The following NALCN variants were observed in gnomAD, a reference collection of about 807,000 sequenced individuals.
The protein encoded by NALCN is sodium leak channel NALCN.
Under a neutral mutation model 225.3 loss-of-function variants are expected in NALCN, and 111 were observed. The ratio of observed to expected loss-of-function variants is 0.49; its 90% confidence interval spans 0.42 to 0.58. The LOEUF (loss-of-function observed/expected upper bound fraction) is 0.58, where lower values mean the gene tolerates loss of function less well. Among genes scored for constraint, NALCN ranks in the 20% least tolerant of loss-of-function variants. NALCN has a pLI of 0.00. For missense variants in NALCN, 1,378 were observed against 2,202.4 expected (o/e 0.63, Z 7.49); for synonymous variants, 764 against 769.0 (o/e 0.99, Z 0.11).
chr13:101,304,829 C>T (rs1446523082), intron 7 of NALCN, among the ~76,000 whole-genome samples: 2 of 144,664 alleles, frequency 1.4e-5, no homozygotes, highest in African/African-American at 2.6e-5. Flanking sequence ...GATCTCAGCT[C>T]GCTGCAATCT....
chr13:101,207,950 A>G (rs1354079614), intron 13 of NALCN, among the ~76,000 whole-genome samples: 1 of 152,172 alleles, frequency 6.6e-6, no homozygotes, highest in Non-Finnish European at 1.5e-5. Flanking sequence ...AGCCAGCGAG[A>G]CCACGAACCC....
chr13:101,068,062 A>C, intron 38 of NALCN, 29 bp from the exon 39 acceptor site: 1 of 1,305,092 alleles, frequency 7.7e-7, no homozygotes, highest in South Asian at 1.3e-5. Context: ...TTCAGAAGTT[A>C]GACCATTATG....
intron 7 of NALCN, among the ~76,000 whole-genome samples, chr13:101,318,137 G>A (rs2044619915): frequency 6.6e-6 from 1 of 152,176 alleles, no homozygotes; most frequent in African/African-American, 2.4e-5. Context: ...TGTAGCCAGT[G>A]GCACGTTTGC....
intron 6 of NALCN, among the ~76,000 whole-genome samples, chr13:101,352,647 A>G (rs2045938852): frequency 6.6e-6 from 1 of 152,212 alleles, no homozygotes; most frequent in South Asian, 2.1e-4. Flanking sequence ...CTAAATGGAT[A>G]CTGTGACTGA....
chr13:101,107,223 G>A (rs1461602317), intron 22 of NALCN, among the ~76,000 whole-genome samples: 1 of 152,190 alleles, frequency 6.6e-6, no homozygotes, highest in African/African-American at 2.4e-5. Flanking sequence ...GCCGATATAA[G>A]TGTATCAGGA....
intron 11 of NALCN, among the ~76,000 whole-genome samples, chr13:101,249,702 C>T (rs574167315): frequency 6.6e-6 from 1 of 152,140 alleles, no homozygotes; most frequent in African/African-American, 2.4e-5. Context: ...ATACTCAACT[C>T]ATAATGAGAA....
intron 17 of NALCN, among the ~76,000 whole-genome samples, chr13:101,129,038 A>G (rs1283568577): frequency 6.6e-6 from 1 of 152,080 alleles, no homozygotes; most frequent in African/African-American, 2.4e-5. Context: ...AAAGGAACAG[A>G]GTGTGTGTGT....
intron 7 of NALCN, among the ~76,000 whole-genome samples, chr13:101,300,408 T>C (rs1031820679): frequency 2.3e-5 from 3 of 130,888 alleles, no homozygotes; most frequent in Non-Finnish European, 3.4e-5. Context: ...CCCTCCTTCC[T>C]TCCTTTCTTT....
chr13:101,097,531 GGGTGCCT>G (rs776969141), intron 27 of NALCN, among the ~76,000 whole-genome samples: 11 of 152,294 alleles, frequency 7.2e-5, no homozygotes, highest in Admixed American at 1.3e-4. Context: ...TGAAAAGCCA[GGGTGCCT>G]GGACACTAGT....
At chr13:101,392,631 A>C (rs2047178473) in intron 3 of NALCN, among the ~76,000 whole-genome samples, 1 of 152,200 alleles carries the variant, frequency 6.6e-6, no homozygotes. Context: ...CTAGTATTTA[A>C]AATTTTACCG....
chr13:101,150,104 C>T (rs1160345274), intron 15 of NALCN, among the ~76,000 whole-genome samples: 2 of 151,938 alleles, frequency 1.3e-5, no homozygotes, highest in Admixed American at 1.3e-4. Flanking sequence ...GTGGATTTCA[C>T]AACATAACAT....
chr13:101,181,692 T>C (rs535080727), intron 14 of NALCN, among the ~76,000 whole-genome samples: 3 of 151,936 alleles, frequency 2.0e-5, no homozygotes, highest in South Asian at 2.1e-4. Flanking sequence ...CAGTGAGCTG[T>C]GAATGTGCCA....
intron 10 of NALCN, among the ~76,000 whole-genome samples, chr13:101,261,878 T>C (rs539846861): frequency 5.1e-4 from 78 of 152,344 alleles, no homozygotes; most frequent in African/African-American, 1.8e-3. Context: ...CTTCCAGTAC[T>C]ATGTTGAATA....
chr13:101,333,639 A>G (rs2045263165), intron 7 of NALCN, among the ~76,000 whole-genome samples: 1 of 152,224 alleles, frequency 6.6e-6, no homozygotes, highest in Non-Finnish European at 1.5e-5. Flanking sequence ...GGAACATGGA[A>G]GCCCCTAGAG....
At chr13:101,065,935 G>A (rs1222279214) in intron 39 of NALCN, among the ~76,000 whole-genome samples, 1 of 152,128 alleles carries the variant, frequency 6.6e-6, no homozygotes, top group Middle Eastern at 3.2e-3. Context: ...GGGCCATAAT[G>A]TACTCACACA....
rs1397441923 is a variant in NALCN, at chr13:101,376,575, A to G, written c.644+125T>C. ...GACAAAAACAATACCGAGGAAGCAG[A>G]GACACAGAACAAAGAGGACATAAGC... On this transcript the variant is annotated intron_variant, in intron 6 of 43. Coordinates refer to ENST00000251127, the MANE Select transcript of NALCN (RefSeq NM_052867.4). 3.6e-6 allele frequency: 3 copies of G among 843,016 alleles called. No individual in the cohort carries two copies. In the East Asian group the frequency reaches 8.4e-5, roughly 24 times the overall value. 52.2% of individuals were successfully genotyped at this position (843,016 alleles called of 1,614,324 possible). A position where few individuals can be genotyped will look rare whatever the true frequency, so the allele number is the denominator to read the frequency against.
chr13:101,386,836 G>A lies in NALCN; in HGVS notation c.292-8183C>T, dbSNP rs182871782. ...GCTAGGTATAATTTTAAAGAACTGTGCATGACAGCTGGGCAAAAATACATT... is the reference window on the plus strand; with the variant it reads ...GCTAGGTATAATTTTAAAGAACTGTACATGACAGCTGGGCAAAAATACATT... On this transcript the variant is annotated intron_variant, in intron 3 of 43. Coordinates refer to ENST00000251127, the MANE Select transcript of NALCN (RefSeq NM_052867.4). 2.8e-3 allele frequency among the ~76,000 whole-genome samples: 411 copies of A among 148,948 alleles called. 3 individuals are homozygous for A. Among genetic ancestry groups the A allele is most frequent in the African/African-American group, 9.6e-3 (391 of 40,552 alleles).
At chr13:101,337,143 C>T (rs1266925153) in intron 7 of NALCN, among the ~76,000 whole-genome samples, 1 of 152,126 alleles carries the variant, frequency 6.6e-6, no homozygotes, top group African/African-American at 2.4e-5. Context: ...TTTCATTCAA[C>T]TAACATATAT....
chr13:101,289,253 T>C (rs1481846312), intron 9 of NALCN, among the ~76,000 whole-genome samples: 1 of 152,190 alleles, frequency 6.6e-6, no homozygotes, highest in Non-Finnish European at 1.5e-5. Context: ...TTTGAAATTT[T>C]CTACATCATT....
Sources: gnomAD v4.1 joint callset for allele counts (sites outside exome capture counted in the v4.1 genomes callset) on GRCh38, gnomAD v4.1.1 for gene constraint, MANE v1.5 for transcripts, NCBI Gene and HGNC (gene_info 2026-07-23, HGNC 2026-07-21) for gene names.